The following PFKFB1 variants were observed in gnomAD, a reference collection of about 807,000 sequenced individuals.
The protein encoded by PFKFB1 is 6-phosphofructo-2-kinase/fructose-2,6-biphosphatase 1, also known as 6-phosphofructo-2-kinase/fructose-2,6-bisphosphatase 1.
PFKFB1 carries 34 observed loss-of-function variants against 46.4 expected under a neutral mutation model. The ratio of observed to expected loss-of-function variants is 0.73; its 90% CI spans 0.56 to 0.98. The LOEUF (loss-of-function observed/expected upper bound fraction) is 0.98, where lower values mean the gene tolerates loss of function less well. Among genes scored for constraint, PFKFB1 ranks in the 50% least tolerant of loss-of-function variants. The pLI is 0.00. For missense variants in PFKFB1, 393 were observed against 376.3 expected (o/e 1.04, Z -0.37); for synonymous variants, 119 against 133.8 (o/e 0.89, Z 0.76).
chrX:54,959,761 T>C lies in PFKFB1; in HGVS notation c.384+66A>G, dbSNP rs912585160. The C allele has an allele frequency of 2.3e-5, 15 of 659,469 alleles. No individual in the cohort carries two copies. In the Admixed American group the frequency reaches 3.7e-4, roughly 16 times the overall value. 54.3% of individuals were successfully genotyped at this position (659,469 alleles called of 1,213,427 possible). Reference sequence around the variant, plus strand: ...AATGTTCTGTACACATTGGTAAATGTTCAGTACATATTAGCTAATTCCCTT... The same window carrying C: ...AATGTTCTGTACACATTGGTAAATGCTCAGTACATATTAGCTAATTCCCTT... On this transcript the variant is annotated intron_variant, in intron 4 of 13. Coordinates refer to ENST00000375006, the MANE Select transcript of PFKFB1 (RefSeq NM_002625.4).
At chrX:54,984,171 T>G (rs1328616288) in intron 1 of PFKFB1, among the ~76,000 whole-genome samples, 1 of 112,067 alleles carries the variant, frequency 8.9e-6, no homozygotes, top group Non-Finnish European at 1.9e-5. Flanking sequence ...TCCACTCTTT[T>G]GACATAGTAC....
chrX:54,977,110 A>C lies in PFKFB1; in HGVS notation c.98-13728T>G, dbSNP rs1173790310. ...GTCAAAACTCACAAAACTGAATTTTATTGCATTCAAGTTTTTATAAATCAA... is the reference window on the plus strand; with the variant it reads ...GTCAAAACTCACAAAACTGAATTTTCTTGCATTCAAGTTTTTATAAATCAA... On this transcript the variant is annotated intron_variant, in intron 1 of 13. Transcript: ENST00000375006. 2.7e-5 allele frequency among the ~76,000 whole-genome samples: 3 copies of C among 111,212 alleles called. No homozygotes were observed. The East Asian group carries it at 8.5e-4, about 31-fold the overall frequency.
At chrX:54,974,988 C>G (rs185700334) in intron 1 of PFKFB1, among the ~76,000 whole-genome samples, 5 of 111,018 alleles carry the variant, frequency 4.5e-5, no homozygotes, top group African/African-American at 1.6e-4. Flanking sequence ...AAAGGAAACA[C>G]TTTTATAGTG....
intron 12 of PFKFB1, 129 bp downstream of exon 12, chrX:54,934,818 T>A: frequency 2.2e-4 from 90 of 416,122 alleles, no homozygotes; most frequent in East Asian, 6.1e-4. Flanking sequence ...CACCACCCAC[T>A]AAGGGAACCT....
upstream of PFKFB1, chrX:54,998,498 C>T: frequency 1.0e-6 from 1 of 987,101 alleles, no homozygotes. Context: ...CAGTGGGTGG[C>T]ATCAAAGAGG....
At chrX:54,987,324 C>T (rs1429949563) in intron 1 of PFKFB1, among the ~76,000 whole-genome samples, 1 of 110,776 alleles carries the variant, frequency 9.0e-6, no homozygotes, top group Non-Finnish European at 1.9e-5. Context: ...AAGAAAAGTC[C>T]AGGATTAGAT....
Position 54,963,318 on chromosome X carries a change from G to C in PFKFB1, c.162C>G (p.Gly54=). 1 of 1,207,190 alleles carries C rather than the reference G, an allele frequency of 8.3e-7. No homozygotes were observed. Among genetic ancestry groups the C allele is most frequent in the Non-Finnish European group, 1.1e-6 (1 of 891,504 alleles). The change falls in exon 2 of 14, where the codon GGC becomes GGG. Residue 54 remains glycine, a synonymous_variant. Transcript: ENST00000375006. The part of the protein sequence containing the change: ...MVIMVGLPAR[G]KTYISTKLTR... ...TGAGCTTTGTGGAGATATAGGTCTT[G>C]CCTCGAGCTGGTAAACCCACCATGA...
rs1485079216 is a variant in PFKFB1 at position 54,994,076 on chromosome X, G to A, written c.-69C>T. The A allele has an allele frequency of 6.9e-6, 8 of 1,155,750 alleles. No homozygotes were observed. The highest frequency in any genetic ancestry group is 1.8e-5 in the African/African-American group (1 of 55,718). On this transcript the variant is annotated 5_prime_UTR_variant, in exon 1 of 14. Transcript: ENST00000375006. ...GGCCTCACTTCCTATCTTACTAGCT[G>A]TCTTTTCTCTCGCTGTGGCCACAGC...
rs932594865 is a variant in PFKFB1, at chrX:54,933,317, A to G, written c.*86T>C. ...GAAGTGGGGTGCCTCAGTGAGGCCAAGGCAGAGTAGGAGAAGAGCAAAGAT... is the reference window on the plus strand; with the variant it reads ...GAAGTGGGGTGCCTCAGTGAGGCCAGGGCAGAGTAGGAGAAGAGCAAAGAT... On this transcript the variant is annotated 3_prime_UTR_variant, in exon 14 of 14. Coordinates refer to ENST00000375006, the MANE Select transcript of PFKFB1 (RefSeq NM_002625.4). The G allele has an allele frequency of 1.1e-5, 9 of 839,137 alleles. No individual in the cohort carries two copies. The highest frequency in any genetic ancestry group is 1.6e-5 in the Non-Finnish European group (9 of 562,143). The allele number at this position is 839,137 out of a possible 1,213,427, so 69.2% of individuals were successfully genotyped here. A position where few individuals can be genotyped will look rare whatever the true frequency, so the allele number is the denominator to read the frequency against.
upstream of PFKFB1, among the ~76,000 whole-genome samples, chrX:54,996,653 C>T (rs967867351): frequency 1.8e-5 from 2 of 112,046 alleles, no homozygotes; most frequent in African/African-American, 6.5e-5. Context: ...ATGGAAAGAC[C>T]TCAGCTTGGC....
chrX:54,936,351 C>T (rs2146586976), intron 11 of PFKFB1, among the ~76,000 whole-genome samples: 1 of 93,776 alleles, frequency 1.1e-5, no homozygotes, highest in Admixed American at 1.3e-4. Context: ...GGCCTTGTTC[C>T]AGCATTCACC....
intron 1 of PFKFB1, among the ~76,000 whole-genome samples, chrX:54,965,051 A>G (rs1934437381): frequency 1.8e-5 from 2 of 111,768 alleles, no homozygotes; most frequent in African/African-American, 3.3e-5. Flanking sequence ...ACTGTGGGAC[A>G]ATATCAAACA....
intron 10 of PFKFB1, among the ~76,000 whole-genome samples, chrX:54,940,712 C>G (rs1166467656): frequency 9.0e-6 from 1 of 111,097 alleles, no homozygotes; most frequent in Non-Finnish European, 1.9e-5. Context: ...TCAAGGAGAA[C>G]TACAAACCAC....
chrX:54,966,625 A>C (rs1934483324), intron 1 of PFKFB1, among the ~76,000 whole-genome samples: 1 of 111,740 alleles, frequency 8.9e-6, no homozygotes, highest in Admixed American at 9.5e-5. Context: ...TCCAGGAATC[A>C]AAACTGTGGG....
At chrX:54,940,934 G>T (rs762343534) in intron 10 of PFKFB1, among the ~76,000 whole-genome samples, 200 of 111,654 alleles carry the variant, frequency 1.8e-3, no homozygotes, top group African/African-American at 6.2e-3. Flanking sequence ...GCATCGCCAA[G>T]TCAATCCTAA....
intron 1 of PFKFB1, among the ~76,000 whole-genome samples, chrX:54,993,178 G>A (rs945905306): frequency 4.5e-5 from 5 of 111,956 alleles, no homozygotes; most frequent in African/African-American, 1.6e-4. Flanking sequence ...TTATCTATGG[G>A]AAATGGTACA....
In PFKFB1 at chrX:54,958,685, T is replaced by C. The variant is rs757088753; in HGVS notation, c.459+166A>G. Among the ~76,000 whole-genome samples the C allele has an allele frequency of 3.1e-4, 35 of 111,750 alleles. 1 individual carries two copies. Among genetic ancestry groups the C allele is most frequent in the Admixed American group, 3.0e-3 (31 of 10,497 alleles). On this transcript the variant is annotated intron_variant, in intron 5 of 13. Transcript: ENST00000375006. ...GCCTAATGTGGCACCCCTCCTTTCT[T>C]GTTCTGCTTTGCTGCTTCTGACTAT...
intron 9 of PFKFB1, among the ~76,000 whole-genome samples, chrX:54,947,603 G>A (rs1388285008): frequency 2.7e-5 from 3 of 112,169 alleles, no homozygotes; most frequent in Admixed American, 1.9e-4. Flanking sequence ...ATGTATGAAT[G>A]TACACACACA....
At chrX:54,993,417 G>A (rs1324068335) in intron 1 of PFKFB1, among the ~76,000 whole-genome samples, 2 of 111,098 alleles carry the variant, frequency 1.8e-5, no homozygotes, top group Non-Finnish European at 3.8e-5. Context: ...GAAAGGAGAG[G>A]AGCAATACTG....
Sources: gnomAD v4.1 joint callset for allele counts (sites outside exome capture counted in the v4.1 genomes callset) on GRCh38, gnomAD v4.1.1 for gene constraint, MANE v1.5 for transcripts, NCBI Gene and HGNC (gene_info 2026-07-23, HGNC 2026-07-21) for gene names.